Variants in HRH1 observed in about 807,000 individuals in gnomAD.
HRH1 encodes histamine receptor H1, also known as histamine H1 receptor.
A neutral mutation model predicts 10.3 loss-of-function variants in HRH1; 6 were observed. That is an observed-to-expected ratio of 0.58 (90% CI 0.32 to 1.15). The LOEUF is 1.15. Among genes scored for constraint, HRH1 ranks in the 50% most tolerant of loss-of-function variants. The pLI is 0.05. For missense variants in HRH1, 514 were observed against 615.3 expected (o/e 0.84, Z 1.74); for synonymous variants, 242 against 236.7 (o/e 1.02, Z -0.21).
chr3:11,191,543 C>G (rs1006303038), intron 1 of HRH1, among the ~76,000 whole-genome samples: 1 of 152,144 alleles, frequency 6.6e-6, no homozygotes, highest in Non-Finnish European at 1.5e-5. Context: ...AGTAGAGAAT[C>G]TGTAATTCCG....
chr3:11,142,356 T>C lies in HRH1; in HGVS notation c.-36+4957T>C, dbSNP rs1223610878. Reference sequence around the variant, plus strand: ...CAGAATTGCCTAAGGACCTTGCCTATGCAGATAGTTCATTCAATTACCATT... The same window carrying C: ...CAGAATTGCCTAAGGACCTTGCCTACGCAGATAGTTCATTCAATTACCATT... On this transcript the variant is annotated intron_variant, in intron 1 of 1. Coordinates refer to the HRH1 transcript ENST00000438284. 3.3e-5 allele frequency among the ~76,000 whole-genome samples: 5 copies of C among 152,218 alleles called. No homozygotes were observed. The South Asian group carries it at 8.3e-4, about 25-fold the overall frequency.
At chr3:11,227,192 C>T (rs887138769) in intron 1 of HRH1, among the ~76,000 whole-genome samples, 2 of 152,124 alleles carry the variant, frequency 1.3e-5, no homozygotes, top group Non-Finnish European at 2.9e-5. Context: ...CTCTGCTCTT[C>T]AGTCACCTGT....
rs199590596 is a variant in HRH1, at chr3:11,262,216, T to C, written c.*1715T>C. On this transcript the variant is annotated 3_prime_UTR_variant, in exon 2 of 2. Transcript: ENST00000431010. ...GGAGTGCCTGTACAAGCTGATGTTT[T>C]GTATTTTGTGTTCCTCTTTGCATGA... 3.6e-5 allele frequency: 6 copies of C among 167,108 alleles called. No individual in the cohort carries two copies. Among genetic ancestry groups the C allele is most frequent in the African/African-American group, 1.2e-4 (5 of 41,478 alleles). 10.4% of individuals were successfully genotyped at this position (167,108 alleles called of 1,614,324 possible).
At chr3:11,251,236 T>C (rs1939641916) in intron 1 of HRH1, among the ~76,000 whole-genome samples, 1 of 152,170 alleles carries the variant, frequency 6.6e-6, no homozygotes, top group Non-Finnish European at 1.5e-5. Context: ...AAGATTCTTC[T>C]AGTGACCTGG....
intron 1 of HRH1, among the ~76,000 whole-genome samples, chr3:11,200,065 A>T (rs1937843492): frequency 6.6e-6 from 1 of 152,136 alleles, no homozygotes; most frequent in Non-Finnish European, 1.5e-5. Flanking sequence ...GATCTTAAGA[A>T]AGAGATGCAG....
intron 1 of HRH1, among the ~76,000 whole-genome samples, chr3:11,194,366 A>G (rs1418617702): frequency 2.0e-5 from 3 of 152,150 alleles, no homozygotes; most frequent in African/African-American, 7.2e-5. Context: ...TGTTGTGAGG[A>G]TTAGAGATAA....
At chr3:11,251,547 T>C (rs1258984666) in intron 1 of HRH1, among the ~76,000 whole-genome samples, 1 of 152,174 alleles carries the variant, frequency 6.6e-6, no homozygotes, top group Non-Finnish European at 1.5e-5. Context: ...TCCCTTTTAT[T>C]ACTTGAGAAG....
chr3:11,163,291 A>G (rs1359368436), intron 1 of HRH1, among the ~76,000 whole-genome samples: 1 of 152,164 alleles, frequency 6.6e-6, no homozygotes, highest in Admixed American at 6.5e-5. Context: ...CGAGGGACAT[A>G]TCTGACCATT....
chr3:11,246,373 G>A (rs1347434667), intron 1 of HRH1, among the ~76,000 whole-genome samples: 1 of 152,198 alleles, frequency 6.6e-6, no homozygotes, highest in Admixed American at 6.5e-5. Context: ...TTTATCCTCA[G>A]AGAGGGCACC....
intron 1 of HRH1, among the ~76,000 whole-genome samples, chr3:11,208,735 C>G (rs985509952): frequency 6.6e-6 from 1 of 152,182 alleles, no homozygotes; most frequent in Non-Finnish European, 1.5e-5. Context: ...GATTATTAAT[C>G]GCTGTATACC....
At chr3:11,214,030 G>C (rs1329425159) in intron 1 of HRH1, among the ~76,000 whole-genome samples, 1 of 152,150 alleles carries the variant, frequency 6.6e-6, no homozygotes, top group Non-Finnish European at 1.5e-5. Context: ...GGGGGTCAGC[G>C]TGGGGTTTGT....
chr3:11,242,480 C>CAAAAAAAAAAAAAAAAA (rs35809891), intron 1 of HRH1, among the ~76,000 whole-genome samples: 1 of 50,362 alleles, frequency 2.0e-5, no homozygotes, highest in Non-Finnish European at 3.5e-5. Context: ...GACTCCGTCT[C>CAAAAAAAAAAAAAAAAA]AAAAAAAAAA....
intron 1 of HRH1, among the ~76,000 whole-genome samples, chr3:11,228,635 G>T (rs570838205): frequency 3.5e-4 from 54 of 152,162 alleles, no homozygotes; most frequent in African/African-American, 1.3e-3. Context: ...GAATATAGTG[G>T]GCCGAGCACA....
intron 1 of HRH1, among the ~76,000 whole-genome samples, chr3:11,258,242 CAAAAAAAAA>C (rs33992856): frequency 9.2e-5 from 7 of 76,406 alleles, no homozygotes; most frequent in African/African-American, 3.4e-4. Flanking sequence ...TGATGTAAGC[CAAAAAAAAA>C]AAAAAAAAAA....
At chr3:11,197,166 T>A (rs1937694481) in intron 1 of HRH1, among the ~76,000 whole-genome samples, 1 of 150,558 alleles carries the variant, frequency 6.6e-6, no homozygotes, top group Admixed American at 6.6e-5. Context: ...GGCCCAGCCA[T>A]ATTCAACTGG....
At chr3:11,255,906 G>A (rs1939769807) in intron 1 of HRH1, among the ~76,000 whole-genome samples, 1 of 152,178 alleles carries the variant, frequency 6.6e-6, no homozygotes, top group Non-Finnish European at 1.5e-5. Flanking sequence ...TGATTTTGGG[G>A]CCCCAAGTTA....
chr3:11,176,757 T>A (rs1937256078), intron 1 of HRH1, among the ~76,000 whole-genome samples: 1 of 152,248 alleles, frequency 6.6e-6, no homozygotes, highest in African/African-American at 2.4e-5. Context: ...CGAACAGGAC[T>A]ATCTAACTCC....
At chr3:11,187,200 C>A (rs549295568) in intron 1 of HRH1, among the ~76,000 whole-genome samples, 2 of 152,056 alleles carry the variant, frequency 1.3e-5, no homozygotes, top group Non-Finnish European at 2.9e-5. Context: ...ACAAAGATAT[C>A]TTTTTCTCTG....
Position 11,259,205 on chromosome 3 carries a change from G to A in HRH1, c.168G>A (p.Arg56=), listed in dbSNP as rs764298630. 3 of 1,613,598 alleles carry A rather than the reference G, an allele frequency of 1.9e-6. No homozygotes were observed. Among genetic ancestry groups the A allele is most frequent in the African/African-American group, 2.7e-5 (2 of 74,748 alleles). ...LLVLYAVRSE[R]KLHTVGNLYI... is the part of the protein sequence containing the mutation. Reference sequence around the variant, plus strand: ...TGCTGTATGCCGTACGGAGTGAGCGGAAGCTCCACACTGTGGGGAACCTGT... The same window carrying A: ...TGCTGTATGCCGTACGGAGTGAGCGAAAGCTCCACACTGTGGGGAACCTGT... The change falls in exon 2 of 2, where the codon CGG becomes CGA. Residue 56 remains arginine (R), a synonymous_variant. Transcript: ENST00000431010. This position sits in a 1 kb window ranked among gnomAD's most constrained non-coding sequence, Gnocchi z 4.6.
Sources: gnomAD v4.1 joint callset for allele counts (sites outside exome capture counted in the v4.1 genomes callset) on GRCh38, gnomAD v4.1.1 for gene constraint, Gnocchi (gnomAD v3.1) non-coding constraint, MANE v1.5 for transcripts, NCBI Gene and HGNC (gene_info 2026-07-23, HGNC 2026-07-21) for gene names.